Variants in MSRA observed in about 807,000 individuals in gnomAD.
MSRA encodes mitochondrial peptide methionine sulfoxide reductase.
In MSRA, 54 loss-of-function variants were observed where a neutral mutation model predicts 31.3. The observed-to-expected ratio is 1.73, with a 90% CI of 1.39 to 2.17. The LOEUF is 2.17. Among genes scored for constraint, MSRA ranks in the 30% most tolerant of loss-of-function variants. The pLI, the probability that MSRA is intolerant of heterozygous loss-of-function variation, is 0.00. For missense variants in MSRA, 507 were observed against 300.9 expected (o/e 1.69, Z -5.07); for synonymous variants, 169 against 116.5 (o/e 1.45, Z -2.90).
chr8:10,402,087 A>G (rs889273536), intron 5 of MSRA, among the ~76,000 whole-genome samples: 2 of 152,184 alleles, frequency 1.3e-5, no homozygotes, highest in Non-Finnish European at 2.9e-5. Context: ...AAAAAATGTA[A>G]AGGAAGGCAG....
At chr8:10,250,760 C>A in intron 3 of MSRA, 1 of 395,500 alleles carries the variant, frequency 2.5e-6, no homozygotes. Context: ...GCTTATGTGT[C>A]CTGTCCTGAG....
intron 5 of MSRA, among the ~76,000 whole-genome samples, chr8:10,332,635 A>G (rs1802774080): frequency 6.6e-6 from 1 of 152,338 alleles, no homozygotes; most frequent in Middle Eastern, 3.4e-3. Flanking sequence ...AGCCACGTAG[A>G]CAGCTAGATC....
chr8:10,135,684 A>G (rs571822811), intron 1 of MSRA, among the ~76,000 whole-genome samples: 3 of 152,226 alleles, frequency 2.0e-5, no homozygotes, highest in Non-Finnish European at 4.4e-5. Flanking sequence ...TGCTAAATAT[A>G]CTTAGGTTGA....
intron 5 of MSRA, among the ~76,000 whole-genome samples, chr8:10,341,779 C>T (rs1414730143): frequency 1.3e-5 from 2 of 152,174 alleles, no homozygotes; most frequent in Non-Finnish European, 2.9e-5. Context: ...GCTCCCGACT[C>T]GCAATGTTCT....
At chr8:10,291,889 C>G (rs966570191) in intron 3 of MSRA, among the ~76,000 whole-genome samples, 13 of 152,106 alleles carry the variant, frequency 8.5e-5, no homozygotes, top group Non-Finnish European at 1.5e-5. Context: ...CAGTTTCTTA[C>G]CTGGACTCGG....
chr8:10,219,611 C>T (rs1186265783), intron 2 of MSRA, among the ~76,000 whole-genome samples: 2 of 151,918 alleles, frequency 1.3e-5, no homozygotes, highest in Admixed American at 1.3e-4. Context: ...CTGAGACCAT[C>T]CTGGCTAACA....
chr8:10,074,196 C>T (rs922890527), intron 1 of MSRA, among the ~76,000 whole-genome samples: 5 of 149,776 alleles, frequency 3.3e-5, no homozygotes, highest in African/African-American at 1.2e-4. Flanking sequence ...CATTTTCCTG[C>T]CTTATCCTCC....
chr8:10,362,629 A>C (rs1037356550), intron 5 of MSRA, among the ~76,000 whole-genome samples: 8 of 151,938 alleles, frequency 5.3e-5, no homozygotes, highest in African/African-American at 1.9e-4. Context: ...TCCAGGGTCC[A>C]CAGGGAGACC....
intron 5 of MSRA, among the ~76,000 whole-genome samples, chr8:10,409,585 G>C (rs1808032432): frequency 1.3e-5 from 2 of 152,222 alleles, no homozygotes. Flanking sequence ...CTCTAGAGAG[G>C]ACGTGATGAG....
intron 1 of MSRA, among the ~76,000 whole-genome samples, chr8:10,063,962 G>T (rs957163569): frequency 6.6e-6 from 1 of 152,202 alleles, no homozygotes; most frequent in African/African-American, 2.4e-5. Flanking sequence ...CCTTGGGGCT[G>T]TTTCAGCTTA....
chr8:10,216,234 G>C (rs1381757791), intron 2 of MSRA, among the ~76,000 whole-genome samples: 1 of 152,138 alleles, frequency 6.6e-6, no homozygotes, highest in Non-Finnish European at 1.5e-5. Flanking sequence ...ACATGCATTA[G>C]AATTAGGTAA....
At chr8:10,188,582 A>G (rs1168470667) in intron 1 of MSRA, among the ~76,000 whole-genome samples, 2 of 152,236 alleles carry the variant, frequency 1.3e-5, no homozygotes, top group South Asian at 2.1e-4. Context: ...TAATTGTCGT[A>G]TAAGGTTTGA....
rs566420489 is a variant in MSRA, at chr8:10,216,864, C to G, written c.211+8963C>G. Among the ~76,000 whole-genome samples the G allele has an allele frequency of 2.4e-4, 37 of 152,298 alleles. No homozygotes were observed. The East Asian group carries it at 4.6e-3, about 19-fold the overall frequency. ...TGTTGTGGATAAGGCTGCGATGAAC[C>G]TGAGTGTACAGATCTCTCTTCAAGT... On this transcript the variant is annotated intron_variant, in intron 2 of 5. Coordinates refer to ENST00000317173, the MANE Select transcript of MSRA (RefSeq NM_012331.5).
chr8:10,408,623 A>T (rs1807966213), intron 5 of MSRA, among the ~76,000 whole-genome samples: 1 of 152,238 alleles, frequency 6.6e-6, no homozygotes, highest in South Asian at 2.1e-4. Flanking sequence ...GCACAAGTAC[A>T]GTTCTGTTGC....
At chr8:10,204,413 G>GT (rs1808765158) in intron 1 of MSRA, among the ~76,000 whole-genome samples, 1 of 152,142 alleles carries the variant, frequency 6.6e-6, no homozygotes, top group Non-Finnish European at 1.5e-5. Flanking sequence ...CCCTAGACAG[G>GT]TGTACCTTTT....
rs147720482 is a variant in MSRA at position 10,355,078 on chromosome 8, C to G, written c.543+35089C>G. 8.5e-5 allele frequency among the ~76,000 whole-genome samples: 13 copies of G among 152,276 alleles called. 1 individual carries two copies. In the East Asian group the frequency reaches 2.5e-3, roughly 29 times the overall value. ...ATTTTCTTCACTGGCATTTAGCATA[C>G]TTTTAACCTGTGGTAGCCCATAACT... On this transcript the variant is annotated intron_variant, in intron 5 of 5. Transcript: ENST00000317173.
intron 1 of MSRA, among the ~76,000 whole-genome samples, chr8:10,115,293 T>A (rs1398670387): frequency 6.6e-6 from 1 of 152,184 alleles, no homozygotes; most frequent in African/African-American, 2.4e-5. Flanking sequence ...GGTGTTAGAT[T>A]TTGTGGAATG....
At chr8:10,378,961 T>C (rs1335394709) in intron 5 of MSRA, among the ~76,000 whole-genome samples, 1 of 152,248 alleles carries the variant, frequency 6.6e-6, no homozygotes, top group African/African-American at 2.4e-5. Context: ...TCACAGCACC[T>C]GCTGTCATCT....
At chr8:10,257,379 C>G (rs1220731969) in intron 3 of MSRA, among the ~76,000 whole-genome samples, 3 of 152,162 alleles carry the variant, frequency 2.0e-5, no homozygotes, top group Non-Finnish European at 4.4e-5. Flanking sequence ...GTATTCTACT[C>G]TGTGTGTGTC....
Sources: gnomAD v4.1 joint callset for allele counts (sites outside exome capture counted in the v4.1 genomes callset) on GRCh38, gnomAD v4.1.1 for gene constraint, MANE v1.5 for transcripts, NCBI Gene and HGNC (gene_info 2026-07-23, HGNC 2026-07-21) for gene names.